The following AJAP1 variants were observed in gnomAD, a reference collection of about 807,000 sequenced individuals.
The protein encoded by AJAP1 is adherens junction-associated protein 1.
AJAP1 carries 5 observed loss-of-function variants against 35.0 expected under a neutral mutation model. That is an observed-to-expected ratio of 0.14 (90% confidence interval 0.07 to 0.30). The LOEUF is 0.30. Among genes scored for constraint, AJAP1 ranks in the 10% least tolerant of loss-of-function variants. The probability of loss-of-function intolerance (pLI) is 1.00; values close to 1 mark genes in which losing one functional copy is unlikely to be tolerated. For missense variants in AJAP1, 586 were observed against 571.0 expected (o/e 1.03, Z -0.27); for synonymous variants, 284 against 249.3 (o/e 1.14, Z -1.31).
chr1:4,657,189 C>T (rs6690745), intron 1 of AJAP1, among the ~76,000 whole-genome samples: 34,770 of 152,214 alleles, frequency 0.23, 4,487 homozygotes, highest in East Asian at 0.38. Context: ...AAAGAAGCCT[C>T]TCTTTTGATT....
chr1:4,739,472 T>G (rs1436115732), intron 2 of AJAP1, among the ~76,000 whole-genome samples: 2 of 152,218 alleles, frequency 1.3e-5, no homozygotes, highest in Non-Finnish European at 2.9e-5. Context: ...CCTTGCCACC[T>G]TCTGAGCTTT....
At chr1:4,702,194 G>A (rs1258294123) in intron 1 of AJAP1, among the ~76,000 whole-genome samples, 2 of 151,854 alleles carry the variant, frequency 1.3e-5, no homozygotes, top group African/African-American at 4.9e-5. Flanking sequence ...TGTCCCCAGT[G>A]TTCTAATGTG....
intron 2 of AJAP1, among the ~76,000 whole-genome samples, chr1:4,766,863 A>G (rs894179114): frequency 3.1e-4 from 47 of 152,160 alleles, no homozygotes; most frequent in Non-Finnish European, 4.3e-4. Flanking sequence ...TCAGGCACCC[A>G]GTTTGTCAGA....
chr1:4,711,762 T>A (rs1640245350), intron 1 of AJAP1, 138 bp from the exon 2 acceptor site: 2 of 647,552 alleles, frequency 3.1e-6, no homozygotes, highest in African/African-American at 1.9e-5. Context: ...TCGGATTCCC[T>A]TTTGAAGTTA....
At chr1:4,687,635 T>C (rs1010374358) in intron 1 of AJAP1, among the ~76,000 whole-genome samples, 1 of 152,142 alleles carries the variant, frequency 6.6e-6, no homozygotes, top group Non-Finnish European at 1.5e-5. Context: ...GCACCTGGAT[T>C]GTGATGACTC....
chr1:4,718,415 G>C (rs1640443904), intron 2 of AJAP1, among the ~76,000 whole-genome samples: 1 of 151,862 alleles, frequency 6.6e-6, no homozygotes, highest in Non-Finnish European at 1.5e-5. Flanking sequence ...CTCCTTCTAA[G>C]GGCATGCTAG....
intron 1 of AJAP1, among the ~76,000 whole-genome samples, chr1:4,710,451 TCA>T (rs1258457442): frequency 2.3e-5 from 3 of 128,476 alleles, no homozygotes; most frequent in African/African-American, 6.4e-5. Flanking sequence ...TCACACCCAG[TCA>T]CACACGTACA....
rs112681265 is a variant in AJAP1 at position 4,712,094 on chromosome 1, C to T, written c.224C>T (p.Pro75Leu). The T allele has an allele frequency of 4.3e-5, 67 of 1,556,134 alleles. No homozygotes were observed. Among genetic ancestry groups the T allele is most frequent in the Non-Finnish European group, 5.4e-5 (62 of 1,158,404 alleles). Residue 75 changes from proline (P) to leucine (L), a missense_variant, in exon 2 of 6, where the codon CCG (proline) becomes CTG (leucine). Coordinates refer to ENST00000378191, the MANE Select transcript of AJAP1 (RefSeq NM_018836.4). ...AGGAGTGGACAGCCAGCGCGGGTCC[C>T]GGCCCCGGTGTGGAGCCCCCGGCCG... ...SFRSGQPARV[P>L]APVWSPRPPR...
intron 4 of AJAP1, 23 bp downstream of exon 4, chr1:4,772,548 C>T (rs756157078): frequency 6.2e-6 from 10 of 1,608,198 alleles, no homozygotes; most frequent in Non-Finnish European, 8.5e-6. Context: ...TCTGCTAGAC[C>T]CTGCAGCTGT....
At chr1:4,728,214 G>C (rs538962746) in intron 2 of AJAP1, among the ~76,000 whole-genome samples, 6 of 152,330 alleles carry the variant, frequency 3.9e-5, no homozygotes, top group African/African-American at 1.4e-4. Flanking sequence ...AATGAGGGTC[G>C]TGGGCAGGGG....
chr1:4,760,983 A>C (rs181828931), intron 2 of AJAP1, among the ~76,000 whole-genome samples: 216 of 152,344 alleles, frequency 1.4e-3, no homozygotes, highest in Non-Finnish European at 2.5e-3. Flanking sequence ...TGAAATGTGC[A>C]TTGAGATCAT....
chr1:4,746,901 C>T (rs1641199769), intron 2 of AJAP1, among the ~76,000 whole-genome samples: 1 of 152,178 alleles, frequency 6.6e-6, no homozygotes, highest in African/African-American at 2.4e-5. Context: ...TCACCACCAG[C>T]CTTGTGACCC....
intron 1 of AJAP1, among the ~76,000 whole-genome samples, chr1:4,708,307 A>G (rs147566823): frequency 0.021 from 3,205 of 152,042 alleles, 88 homozygotes; most frequent in South Asian, 0.12. Context: ...CTTGAGTTTC[A>G]GGGGAGCTGG....
chr1:4,721,497 T>C (rs1479266080), intron 2 of AJAP1, among the ~76,000 whole-genome samples: 2 of 152,138 alleles, frequency 1.3e-5, no homozygotes, highest in Non-Finnish European at 2.9e-5. Flanking sequence ...GTCCCCACCA[T>C]GTGATTTCAG....
At position 4,789,124 on chromosome 1, in the gene AJAP1, G is replaced by A. The variant is rs564857619; in HGVS notation, c.*6639G>A. ...GCATAATATAAATTGGGCCAAGCTT[G>A]CCCATGTGGGACACACAGGTTTATA... On this transcript the variant is annotated 3_prime_UTR_variant, in exon 6 of 6. Coordinates refer to ENST00000378191, the MANE Select transcript of AJAP1 (RefSeq NM_018836.4). This position sits in a 1 kb window ranked among gnomAD's most constrained non-coding sequence, Gnocchi z 4.4. 1.3e-5 allele frequency: 2 copies of A among 152,342 alleles called. No homozygotes were observed. Among genetic ancestry groups the A allele is most frequent in the East Asian group, 3.9e-4 (2 of 5,186 alleles). 9.4% of individuals were successfully genotyped at this position (152,342 alleles called of 1,614,324 possible). A position where few individuals can be genotyped will look rare whatever the true frequency, so the allele number is the denominator to read the frequency against.
intron 2 of AJAP1, among the ~76,000 whole-genome samples, chr1:4,746,448 G>A (rs927813066): frequency 5.9e-5 from 9 of 152,138 alleles, no homozygotes; most frequent in African/African-American, 1.7e-4. Flanking sequence ...AACCCGCATC[G>A]CCCACCTTGT....
At chr1:4,765,269 G>C (rs1420582880) in intron 2 of AJAP1, among the ~76,000 whole-genome samples, 1 of 152,192 alleles carries the variant, frequency 6.6e-6, no homozygotes, top group Non-Finnish European at 1.5e-5. Context: ...TTGCTTGTTT[G>C]TTCCTTCCTT....
In AJAP1 at chr1:4,654,793, C is replaced by T. The variant is rs189853176; in HGVS notation, c.-633C>T. The T allele has an allele frequency of 0.011, 1,581 of 150,454 alleles. 11 individuals are homozygous for T. Among genetic ancestry groups the T allele is most frequent in the Non-Finnish European group, 0.015 (1,005 of 67,528 alleles). 9.3% of individuals were successfully genotyped at this position (150,454 alleles called of 1,614,324 possible). A position where few individuals can be genotyped will look rare whatever the true frequency, so the allele number is the denominator to read the frequency against. On this transcript the variant is annotated 5_prime_UTR_variant, in exon 1 of 6. Transcript: ENST00000378191. The surrounding 1 kb of genome is among the most constrained non-coding windows in gnomAD (Gnocchi z 5.1). ...CCTCTCGTGCCCGCCTCCTGCCAGTCTCCGGGCCGCGGCCGTCTGCAGAGC... is the reference window on the plus strand; with the variant it reads ...CCTCTCGTGCCCGCCTCCTGCCAGTTTCCGGGCCGCGGCCGTCTGCAGAGC...
intron 5 of AJAP1, among the ~76,000 whole-genome samples, chr1:4,776,733 G>A (rs1043074304): frequency 1.2e-4 from 18 of 152,108 alleles, no homozygotes; most frequent in African/African-American, 4.1e-4. Context: ...AGACATGGGC[G>A]CCCCCAGATG....
Sources: allele counts gnomAD v4.1 joint callset (sites outside exome capture counted in the v4.1 genomes callset), GRCh38; gene constraint gnomAD v4.1.1; non-coding constraint Gnocchi (gnomAD v3.1); transcripts MANE v1.5; gene names NCBI Gene and HGNC (gene_info 2026-07-23, HGNC 2026-07-21).